DSCAML1: variants seen among roughly 807,000 people sequenced by gnomAD.
The protein encoded by DSCAML1 is cell adhesion molecule DSCAML1.
In DSCAML1, 38 loss-of-function variants were observed where a neutral mutation model predicts 200.5. That is an observed-to-expected ratio of 0.19 (90% confidence interval 0.15 to 0.25). The LOEUF is 0.25. Ranked by LOEUF, DSCAML1 falls within the 10% of genes least tolerant of loss-of-function variation. The probability of loss-of-function intolerance (pLI) is 1.00; values close to 1 mark genes in which losing one functional copy is unlikely to be tolerated. For missense variants in DSCAML1, 2,223 were observed against 2,858.8 expected (o/e 0.78, Z 5.07); for synonymous variants, 1,215 against 1,165.0 (o/e 1.04, Z -0.87).
Position 117,533,419 on chromosome 11 carries a change from C to T in DSCAML1, c.512-897G>A, listed in dbSNP as rs367906092. Among the ~76,000 whole-genome samples, 9 of 152,314 alleles carry T rather than the reference C, an allele frequency of 5.9e-5. No individual in the cohort carries two copies. In the South Asian group the frequency reaches 1.9e-3, roughly 32 times the overall value. ...CTTCTGCATGGAATTATACATAAGCCTCCATCCCCTTCTCTCAATTTAAAT... is the reference window on the plus strand; with the variant it reads ...CTTCTGCATGGAATTATACATAAGCTTCCATCCCCTTCTCTCAATTTAAAT... On this transcript the variant is annotated intron_variant, in intron 3 of 32. Transcript: ENST00000651296.
At chr11:117,587,253 A>ACC (rs111247541) in intron 3 of DSCAML1, among the ~76,000 whole-genome samples, 45,011 of 137,290 alleles carry the variant, frequency 0.33, 7,878 homozygotes, top group Non-Finnish European at 0.38. Context: ...ATTCTTTCCA[A>ACC]CCCCCCCCCA....
intron 3 of DSCAML1, among the ~76,000 whole-genome samples, chr11:117,600,907 CACAGACCCA>C (rs1388088486): frequency 1.3e-5 from 2 of 152,146 alleles, no homozygotes; most frequent in Admixed American, 1.3e-4. Flanking sequence ...ATAGGGATCC[CACAGACCCA>C]ACTGTGCTTG....
upstream of DSCAML1, chr11:117,801,687 C>G (rs139052560): frequency 6.8e-4 from 103 of 152,340 alleles, no homozygotes; most frequent in Admixed American, 3.6e-3. Flanking sequence ...CACTTACTCT[C>G]TCATCATTTT....
At chr11:117,778,224 G>C (rs1361694070) in intron 2 of DSCAML1, among the ~76,000 whole-genome samples, 1 of 152,254 alleles carries the variant, frequency 6.6e-6, no homozygotes, top group African/African-American at 2.4e-5. Flanking sequence ...AGAGAGGAGA[G>C]GCACTGGTGG....
At chr11:117,667,756 T>C (rs1278727677) in intron 3 of DSCAML1, among the ~76,000 whole-genome samples, 1 of 152,206 alleles carries the variant, frequency 6.6e-6, no homozygotes, top group Non-Finnish European at 1.5e-5. Context: ...AAAAAGGTGG[T>C]TGGAGGCTTG....
At chr11:117,754,492 G>C (rs931843649) in intron 3 of DSCAML1, among the ~76,000 whole-genome samples, 2 of 152,106 alleles carry the variant, frequency 1.3e-5, no homozygotes, top group Non-Finnish European at 2.9e-5. Context: ...GAAGCACAGG[G>C]GTGATGGGGG....
At chr11:117,590,983 T>C (rs1374942471) in intron 3 of DSCAML1, among the ~76,000 whole-genome samples, 6 of 152,206 alleles carry the variant, frequency 3.9e-5, no homozygotes, top group Non-Finnish European at 7.3e-5. Flanking sequence ...GGGGGAGTGA[T>C]GAAGCTGGTG....
At position 117,784,092 on chromosome 11, in the gene DSCAML1, T is replaced by A. The variant is rs143984012; in HGVS notation, c.47-3282A>T. Among the ~76,000 whole-genome samples, 414 of 152,306 alleles carry A rather than the reference T, an allele frequency of 2.7e-3. 1 individual carries two copies. Among genetic ancestry groups the A allele is most frequent in the Middle Eastern group, 6.8e-3 (2 of 294 alleles). On this transcript the variant is annotated intron_variant, in intron 1 of 32. Coordinates refer to ENST00000651296, the MANE Select transcript of DSCAML1 (RefSeq NM_020693.4). Reference sequence around the variant, plus strand: ...TTGTCCAGCCACCTGTCAGGGCTGATGAAAAGGCAGATTTATAGCAAAAGG... The same window carrying A: ...TTGTCCAGCCACCTGTCAGGGCTGAAGAAAAGGCAGATTTATAGCAAAAGG...
intron 3 of DSCAML1, among the ~76,000 whole-genome samples, chr11:117,554,672 C>A (rs954410967): frequency 6.6e-5 from 10 of 152,164 alleles, no homozygotes; most frequent in African/African-American, 2.4e-4. Flanking sequence ...CCACCGCGCC[C>A]GGCCTGGCAC....
In DSCAML1 at chr11:117,650,702, CGT is replaced by C. The variant is rs1555194706; in HGVS notation, c.512-118182_512-118181del. ...GTGTGTGTGTGTGTGTGTGTGTGTGCGTGTGTGTGTGTGGTGGGGATTGGGGT... is the reference window on the plus strand; with the variant it reads ...GTGTGTGTGTGTGTGTGTGTGTGTGCGTGTGTGTGTGGTGGGGATTGGGGT... On this transcript the variant is annotated intron_variant, in intron 3 of 32. Transcript: ENST00000651296. Among the ~76,000 whole-genome samples the C allele has an allele frequency of 8.9e-3, 616 of 68,976 alleles. 3 individuals are homozygous for C. Among genetic ancestry groups the C allele is most frequent in the Non-Finnish European group, 0.012 (369 of 31,438 alleles). 45.3% of individuals were successfully genotyped at this position (68,976 alleles called of 152,430 possible).
Position 117,505,699 on chromosome 11 carries a change from G to A in DSCAML1, c.1817C>T (p.Pro606Leu), listed in dbSNP as rs1190651919. 1.2e-6 allele frequency: 2 copies of A among 1,612,776 alleles called. No homozygotes were observed. The highest frequency in any genetic ancestry group is 2.2e-5 in the East Asian group (1 of 44,856). Residue 606 changes from proline to leucine, a missense_variant, in exon 9 of 33, where the codon CCC becomes CTC. Pro to Leu is a moderately conservative substitution (Grantham distance 98). Coordinates refer to ENST00000651296, the MANE Select transcript of DSCAML1 (RefSeq NM_020693.4). The surrounding 1 kb of genome is among the most constrained non-coding windows in gnomAD (Gnocchi z 6.7). ...PPLIQPFEFP[P>L]ASIGQLLYIP... is the part of the protein sequence containing the mutation. Reference sequence around the variant, plus strand: ...GTAGAGCAGCTGGCCGATGGAGGCGGGTGGGAATTCGAAGGGCTGGATCAG... The same window carrying A: ...GTAGAGCAGCTGGCCGATGGAGGCGAGTGGGAATTCGAAGGGCTGGATCAG...
intron 3 of DSCAML1, among the ~76,000 whole-genome samples, chr11:117,694,135 G>A (rs932382234): frequency 6.7e-6 from 1 of 149,426 alleles, no homozygotes; most frequent in Admixed American, 6.7e-5. Context: ...GGGCACGGTG[G>A]CTCATGCATA....
At chr11:117,459,361 C>A (rs1951711453) in intron 18 of DSCAML1, among the ~76,000 whole-genome samples, 1 of 152,230 alleles carries the variant, frequency 6.6e-6, no homozygotes, top group African/African-American at 2.4e-5. Context: ...GGCCGCCAGA[C>A]CTCCCTGGGC....
At chr11:117,544,956 G>C (rs998352107) in intron 3 of DSCAML1, among the ~76,000 whole-genome samples, 1 of 152,152 alleles carries the variant, frequency 6.6e-6, no homozygotes, top group African/African-American at 2.4e-5. Context: ...AAGAGGCTGG[G>C]TGTGGTGGCT....
At chr11:117,816,798 TGG>T (rs1024946477) in intron 1 of DSCAML1, among the ~76,000 whole-genome samples, 2 of 100,374 alleles carry the variant, frequency 2.0e-5, no homozygotes, top group South Asian at 3.8e-4. Context: ...TCGGAATTGC[TGG>T]GGGGGTGGGG....
intron 3 of DSCAML1, among the ~76,000 whole-genome samples, chr11:117,577,458 TTTCCTTCC>T (rs1182143268): frequency 0.046 from 2,610 of 57,126 alleles, 64 homozygotes; most frequent in East Asian, 0.082. Flanking sequence ...CCTTCCTTCC[TTTCCTTCC>T]TTCCTTCCTT....
rs531712161 is a variant in DSCAML1 at position 117,464,819 on chromosome 11, C to T, written c.3265+123G>A. On this transcript the variant is annotated intron_variant, in intron 17 of 32. Coordinates refer to ENST00000651296, the MANE Select transcript of DSCAML1 (RefSeq NM_020693.4). ...AGATGGCGGGGATGCAGGGAGCCTG[C>T]GTGGACCACAGGACCAAAATGGGGC... The T allele has an allele frequency of 5.1e-5, 74 of 1,444,736 alleles. No individual in the cohort carries two copies. In the East Asian group the frequency reaches 1.3e-3, roughly 26 times the overall value. The allele number at this position is 1,444,736 out of a possible 1,614,324, so 89.5% of individuals were successfully genotyped here.
At chr11:117,451,927 C>T (rs922882962) in intron 19 of DSCAML1, among the ~76,000 whole-genome samples, 1 of 152,172 alleles carries the variant, frequency 6.6e-6, no homozygotes, top group African/African-American at 2.4e-5. Context: ...GCTGATGGCA[C>T]CTACCTCAAT....
intron 3 of DSCAML1, among the ~76,000 whole-genome samples, chr11:117,733,690 T>C (rs183472755): frequency 6.6e-6 from 1 of 152,156 alleles, no homozygotes; most frequent in East Asian, 1.9e-4. Context: ...CATGCATATA[T>C]GTGCACATCT....
Sources: gnomAD v4.1 joint callset for allele counts (sites outside exome capture counted in the v4.1 genomes callset) on GRCh38, gnomAD v4.1.1 for gene constraint, Gnocchi (gnomAD v3.1) non-coding constraint, MANE v1.5 for transcripts, NCBI Gene and HGNC (gene_info 2026-07-23, HGNC 2026-07-21) for gene names.